The following BMPR1B variants were observed in gnomAD, a reference collection of about 807,000 sequenced individuals.
The protein encoded by BMPR1B is bone morphogenetic protein receptor type 1B, also known as bone morphogenetic protein receptor type-1B.
Under a neutral mutation model 59.1 loss-of-function variants are expected in BMPR1B, and 12 were observed. The ratio of observed to expected loss-of-function variants is 0.20; its 90% CI spans 0.13 to 0.33. BMPR1B has a LOEUF of 0.33. Ranked by LOEUF, BMPR1B falls within the 10% of genes least tolerant of loss-of-function variation. BMPR1B has a pLI of 1.00. For missense variants in BMPR1B, 550 were observed against 610.9 expected (o/e 0.90, Z 1.05); for synonymous variants, 237 against 207.3 (o/e 1.14, Z -1.23).
chr4:94,864,165 G>T (rs4623012), intron 1 of BMPR1B, among the ~76,000 whole-genome samples: 67,856 of 151,938 alleles, frequency 0.45, 16,169 homozygotes, highest in African/African-American at 0.62. Context: ...GGATATATAC[G>T]GTAAAGAAAC....
intron 1 of BMPR1B, among the ~76,000 whole-genome samples, chr4:94,844,261 C>A (rs973251079): frequency 1.0e-5 from 1 of 95,828 alleles, no homozygotes. Context: ...GTGTGTGAAT[C>A]TTCTAGTTCG....
rs754133041 is a variant in BMPR1B at position 95,130,001 on chromosome 4, T to G, written c.725T>G (p.Phe242Cys). Residue 242 changes from phenylalanine (F) to cysteine (C), a missense_variant, in exon 9 of 13, where the codon TTC (phenylalanine) becomes TGC (cysteine). Physicochemically the swap from Phe to Cys is radical, Grantham distance 205. This residue lies in a region of BMPR1B where 318 missense variants were observed against 284.6 expected (regional missense o/e 1.12). Coordinates refer to ENST00000515059, the MANE Select transcript of BMPR1B (RefSeq NM_001203.3). ...VFFTTEEASW[F>C]RETEIYQTVL... is the part of the protein sequence containing the mutation. ...TTCACCACAGAGGAAGCCAGCTGGT[T>G]CAGAGAGACAGAAATATATCAGACA... 6 of 1,613,868 alleles carry G rather than the reference T, an allele frequency of 3.7e-6. No homozygotes were observed. The highest frequency in any genetic ancestry group is 1.7e-5 in the Admixed American group (1 of 59,950).
At chr4:94,927,460 A>G (rs1397356036) in intron 2 of BMPR1B, among the ~76,000 whole-genome samples, 13 of 152,180 alleles carry the variant, frequency 8.5e-5, no homozygotes, top group Non-Finnish European at 1.5e-5. Flanking sequence ...AAGTAAAATC[A>G]TCATGAAGAA....
At chr4:94,914,582 A>G (rs1728411530) in intron 2 of BMPR1B, among the ~76,000 whole-genome samples, 1 of 152,248 alleles carries the variant, frequency 6.6e-6, no homozygotes, top group Admixed American at 6.5e-5. Flanking sequence ...GAGGGAGTTG[A>G]GGAATCACTG....
intron 8 of BMPR1B, among the ~76,000 whole-genome samples, chr4:95,129,659 T>C (rs1429233580): frequency 6.6e-6 from 1 of 152,140 alleles, no homozygotes; most frequent in Non-Finnish European, 1.5e-5. Context: ...GTTTTGAACA[T>C]TCAGAATCCA....
At chr4:94,987,331 G>C (rs983393148) in intron 2 of BMPR1B, among the ~76,000 whole-genome samples, 1 of 149,280 alleles carries the variant, frequency 6.7e-6, no homozygotes, top group Non-Finnish European at 1.5e-5. Context: ...CCATATGAAA[G>C]TGTATTTATC....
chr4:94,976,292 T>C (rs1012796624), intron 2 of BMPR1B, among the ~76,000 whole-genome samples: 4 of 152,218 alleles, frequency 2.6e-5, no homozygotes, highest in Non-Finnish European at 4.4e-5. Context: ...CATTGACTTT[T>C]ATGATCCAGT....
intron 2 of BMPR1B, among the ~76,000 whole-genome samples, chr4:94,978,230 A>T (rs1731102633): frequency 6.6e-6 from 1 of 152,212 alleles, no homozygotes. Flanking sequence ...AATAACCATA[A>T]AACTTAGTAG....
intron 1 of BMPR1B, among the ~76,000 whole-genome samples, chr4:94,834,502 G>C (rs1724723247): frequency 6.7e-6 from 1 of 149,034 alleles, no homozygotes; most frequent in Non-Finnish European, 1.5e-5. Context: ...AGCCAAGGAA[G>C]GATTTTTTTT....
intron 2 of BMPR1B, among the ~76,000 whole-genome samples, chr4:94,950,723 A>G (rs1236624789): frequency 3.3e-5 from 5 of 152,102 alleles, no homozygotes; most frequent in Admixed American, 6.6e-5. Context: ...GTCAGGTAGC[A>G]TGATGCCTCC....
At chr4:94,803,519 T>C (rs1220274007) in intron 1 of BMPR1B, among the ~76,000 whole-genome samples, 1 of 152,140 alleles carries the variant, frequency 6.6e-6, no homozygotes, top group Non-Finnish European at 1.5e-5. Flanking sequence ...TCCTTTCTTC[T>C]CTTTTATTTT....
chr4:94,882,961 T>C (rs1727032832), intron 2 of BMPR1B, among the ~76,000 whole-genome samples: 1 of 142,756 alleles, frequency 7.0e-6, no homozygotes, highest in East Asian at 2.0e-4. Flanking sequence ...TTCCTGTGTG[T>C]GTGTGCGTGT....
chr4:94,829,600 T>G, intron 1 of BMPR1B, among the ~76,000 whole-genome samples: 1 of 152,124 alleles, frequency 6.6e-6, no homozygotes. Flanking sequence ...AGTAGGGGCT[T>G]CATGGGCACT....
intron 1 of BMPR1B, among the ~76,000 whole-genome samples, chr4:94,826,328 A>G (rs1724380496): frequency 1.3e-5 from 2 of 152,228 alleles, no homozygotes; most frequent in Middle Eastern, 3.4e-3. Context: ...TTCTCTGTCA[A>G]ATGTAGTCAT....
At chr4:94,763,932 T>G (rs967752178) in intron 1 of BMPR1B, among the ~76,000 whole-genome samples, 2 of 152,216 alleles carry the variant, frequency 1.3e-5, no homozygotes, top group African/African-American at 4.8e-5. Context: ...AGGATTGTCC[T>G]GAAATCCTTC....
intron 3 of BMPR1B, among the ~76,000 whole-genome samples, chr4:95,019,785 G>T (rs1229615399): frequency 6.6e-6 from 1 of 152,062 alleles, no homozygotes; most frequent in Non-Finnish European, 1.5e-5. Context: ...ATAAGACTTG[G>T]TCCATGTTCA....
intron 8 of BMPR1B, among the ~76,000 whole-genome samples, chr4:95,125,385 C>T (rs1281845122): frequency 6.6e-6 from 1 of 152,156 alleles, no homozygotes; most frequent in Non-Finnish European, 1.5e-5. Context: ...ACATTAAACA[C>T]GGGACCATCT....
At chr4:95,063,636 G>A (rs1056892873) in intron 3 of BMPR1B, among the ~76,000 whole-genome samples, 3 of 151,952 alleles carry the variant, frequency 2.0e-5, no homozygotes, top group African/African-American at 7.2e-5. Flanking sequence ...TCAAAAATAT[G>A]CAAAACCACA....
chr4:95,079,199 A>G (rs969169504), intron 3 of BMPR1B, among the ~76,000 whole-genome samples: 2 of 152,250 alleles, frequency 1.3e-5, no homozygotes, highest in Admixed American at 6.5e-5. Flanking sequence ...TAGAAAATAC[A>G]CACAATTGAG....
Sources: allele counts gnomAD v4.1 joint callset (sites outside exome capture counted in the v4.1 genomes callset), GRCh38; gene constraint gnomAD v4.1.1; regional missense constraint gnomAD v4.1.1; transcripts MANE v1.5; gene names NCBI Gene and HGNC (gene_info 2026-07-23, HGNC 2026-07-21).